Variants in DUSP6 observed in about 807,000 individuals in gnomAD.
DUSP6 encodes dual specificity protein phosphatase 6.
DUSP6 carries 6 observed loss-of-function variants against 28.0 expected under a neutral mutation model. The observed-to-expected ratio is 0.21, with a 90% confidence interval of 0.12 to 0.42. The LOEUF is 0.42. Among genes scored for constraint, DUSP6 ranks in the 10% least tolerant of loss-of-function variants. The pLI is 1.00. For missense variants in DUSP6, 451 were observed against 498.1 expected, an observed-to-expected ratio of 0.91 and a Z score of 0.90; for synonymous variants, 252 against 217.5, an observed-to-expected ratio of 1.16 and a Z score of -1.40.
Position 89,351,000 on chromosome 12 carries a change from C to T in DUSP6, c.426G>A (p.Glu142=). ...LEGGFSKFQA[E]FSLHCETNLD... is the part of the protein sequence containing the mutation. ...GATTGGTCTCGCAATGCAGGGAGAA[C>T]TCGGCTTGGAACTTACTGAAGCCAC... Residue 142 remains glutamate, a synonymous_variant, in exon 2 of 3, where the codon GAG becomes GAA. Coordinates refer to ENST00000279488, the MANE Select transcript of DUSP6 (RefSeq NM_001946.4). 1 of 1,602,798 alleles carries T rather than the reference C, an allele frequency of 6.2e-7. No homozygotes were observed. The highest frequency in any genetic ancestry group is 8.5e-7 in the Non-Finnish European group (1 of 1,176,156).
chr12:89,349,650 A>G, intron 2 of DUSP6, 89 bp from the exon 3 acceptor site: 1 of 921,206 alleles, frequency 1.1e-6, no homozygotes, highest in Admixed American at 2.7e-5. Context: ...TTGAAAACAT[A>G]ATAATAATAA....
chr12:89,352,004 C>A lies in DUSP6; in HGVS notation c.36G>T (p.Ser12=). The change falls in exon 1 of 3, where the codon TCG becomes TCT. Residue 12 remains serine, a synonymous_variant. Transcript: ENST00000279488. ...CCACCGTCTTGCTGATCGCCATTTC[C>A]GACGCGAAGGGCACGGGTCTGAGCG... The part of the protein sequence containing the change: ...IDTLRPVPFA[S]EMAISKTVAW... The A allele has an allele frequency of 6.2e-7, 1 of 1,613,014 alleles. No homozygotes were observed. The highest frequency in any genetic ancestry group is 8.5e-7 in the Non-Finnish European group (1 of 1,179,918).
rs1008582401 is a variant in DUSP6, at chr12:89,348,035, A to G, written c.*1219T>C. On this transcript the variant is annotated 3_prime_UTR_variant, in exon 3 of 3. Transcript: ENST00000279488. ...AAAATGTGTCACTTCACACATAGGT[A>G]TAACTGAGTTTTTAAAAACACACAT... 2.0e-5 allele frequency: 3 copies of G among 151,764 alleles called. No individual in the cohort carries two copies. The highest frequency in any genetic ancestry group is 7.3e-5 in the African/African-American group (3 of 41,360). The allele number at this position is 151,764 out of a possible 1,614,324, so 9.4% of individuals were successfully genotyped here. A position where few individuals can be genotyped will look rare whatever the true frequency, so the allele number is the denominator to read the frequency against.
At position 89,348,345 on chromosome 12, in the gene DUSP6, G is replaced by A. The variant is rs1286144695; in HGVS notation, c.*909C>T. The A allele has an allele frequency of 2.6e-5, 4 of 152,724 alleles. No individual in the cohort carries two copies. The highest frequency in any genetic ancestry group is 1.9e-4 in the East Asian group (1 of 5,190). 9.5% of individuals were successfully genotyped at this position (152,724 alleles called of 1,614,324 possible). On this transcript the variant is annotated 3_prime_UTR_variant, in exon 3 of 3. Transcript: ENST00000279488. ...TAATATACTGTTTAGCACAGCTGAA[G>A]GTTTTTTTATTCTTTCTTTTTTTAA... is the stretch of plus-strand genomic sequence containing the variant.
rs752172017 is a variant in DUSP6 at position 89,351,660 on chromosome 12, C to T, written c.380G>A (p.Cys127Tyr). The T allele has an allele frequency of 6.2e-7, 1 of 1,603,816 alleles. No homozygotes were observed. Among genetic ancestry groups the T allele is most frequent in the Non-Finnish European group, 8.5e-7 (1 of 1,174,660 alleles). Reference protein sequence around the residue: ...LLLKKLKDEGCRAFYLEGGFS... With the variant: ...LLLKKLKDEGYRAFYLEGGFS... ...CGTACCTTCCAGGTAGAACGCCCGG[C>T]AGCCCTCGTCCTTGAGCTTCTTGAG... is the stretch of plus-strand genomic sequence containing the variant. Residue 127 changes from cysteine to tyrosine, a missense_variant, in exon 1 of 3, where the codon TGC becomes TAC. Coordinates refer to ENST00000279488, the MANE Select transcript of DUSP6 (RefSeq NM_001946.4).
chr12:89,352,039 T>TG lies in DUSP6; in HGVS notation c.-1dup, dbSNP rs767848655. On this transcript the variant is annotated 5_prime_UTR_variant, in exon 1 of 3. Transcript: ENST00000279488. ...GGCACGGGTCTGAGCGTATCTATCA[T>TG]GGGGGTCGAGCTGCGGGAGAGGGCG... 1 of 1,607,212 alleles carries TG rather than the reference T, an allele frequency of 6.2e-7. No individual in the cohort carries two copies. Among genetic ancestry groups the TG allele is most frequent in the East Asian group, 2.2e-5 (1 of 44,648 alleles).
chr12:89,352,264 T>C lies in DUSP6; in HGVS notation c.-225A>G, dbSNP rs1185094230. The stretch of plus-strand genomic sequence containing the variant: ...CTGGCTCTTAGTGTCAATGAATCTC[T>C]CTCAATGAAGCTGCCCAGATAGTTT... On this transcript the variant is annotated 5_prime_UTR_variant, in exon 1 of 3. Coordinates refer to ENST00000279488, the MANE Select transcript of DUSP6 (RefSeq NM_001946.4). The C allele has an allele frequency of 1.6e-6, 1 of 615,564 alleles. No individual in the cohort carries two copies. The allele number at this position is 615,564 out of a possible 1,614,324, so 38.1% of individuals were successfully genotyped here.
rs1243048340 is a variant in DUSP6, at chr12:89,350,893, G to A, written c.533C>T (p.Ser178Leu). Residue 178 changes from serine to leucine, a missense_variant, in exon 2 of 3, where the codon TCG becomes TTG. Physicochemically the swap from Ser to Leu is moderately radical, Grantham distance 145. Coordinates refer to ENST00000279488, the MANE Select transcript of DUSP6 (RefSeq NM_001946.4). ...GGLRISSDSS[S>L]DIESDLDRDP... ...TCGGTCAAGGTCAGACTCGATGTCC[G>A]AGGAAGAGTCAGAGCTGATCCGCAG... The A allele has an allele frequency of 6.2e-7, 1 of 1,613,932 alleles. No individual in the cohort carries two copies. Among genetic ancestry groups the A allele is most frequent in the East Asian group, 2.2e-5 (1 of 44,864 alleles).
chr12:89,351,343 C>G (rs1879180029), intron 1 of DUSP6: 1 of 578,756 alleles, frequency 1.7e-6, no homozygotes, highest in African/African-American at 1.9e-5. Flanking sequence ...AATTCAAAAT[C>G]GAACGATAGA....
chr12:89,350,893 G>T lies in DUSP6; in HGVS notation c.533C>A (p.Ser178Ter), dbSNP rs1243048340. Residue 178 changes from serine to a stop codon, truncating the protein, a stop_gained, in exon 2 of 3, where the codon TCG (serine) becomes TAG (stop). Coordinates refer to ENST00000279488, the MANE Select transcript of DUSP6 (RefSeq NM_001946.4). LOFTEE classifies it high-confidence loss of function. ...TCGGTCAAGGTCAGACTCGATGTCC[G>T]AGGAAGAGTCAGAGCTGATCCGCAG... ...GGLRISSDSS[S>*]DIESDLDRDP... is the part of the protein sequence containing the mutation. 1 of 1,613,814 alleles carries T rather than the reference G, an allele frequency of 6.2e-7. No individual in the cohort carries two copies. Among genetic ancestry groups the T allele is most frequent in the African/African-American group, 1.3e-5 (1 of 74,912 alleles).
At position 89,351,911 on chromosome 12, in the gene DUSP6, C is replaced by T. The variant is rs750510747; in HGVS notation, c.129G>A (p.Glu43=). ...RLLLMDCRPQ[E]LYESSHIESA... is the part of the protein sequence containing the mutation. ...ACTCGATGTGCGACGACTCGTATAG[C>T]TCCTGCGGCCGGCAGTCCATCAGCA... is the stretch of plus-strand genomic sequence containing the variant. The change falls in exon 1 of 3, where the codon GAG becomes GAA. Residue 43 remains glutamate (E), a synonymous_variant. Coordinates refer to ENST00000279488, the MANE Select transcript of DUSP6 (RefSeq NM_001946.4). The T allele has an allele frequency of 2.5e-6, 4 of 1,612,784 alleles. No individual in the cohort carries two copies. Among genetic ancestry groups the T allele is most frequent in the South Asian group, 2.2e-5 (2 of 91,092 alleles).
At chr12:89,349,633 A>C in intron 2 of DUSP6, 72 bp from the exon 3 acceptor site, 1 of 1,215,454 alleles carries the variant, frequency 8.2e-7, no homozygotes, top group Admixed American at 2.3e-5. Context: ...CAGTCTAAAA[A>C]CTGAACTTGA....
intron 1 of DUSP6, chr12:89,351,425 C>T: frequency 2.5e-6 from 2 of 790,706 alleles, no homozygotes; most frequent in Non-Finnish European, 1.9e-6. Context: ...CGCCGGTACC[C>T]GCAGCCGGAA....
At position 89,349,041 on chromosome 12, in the gene DUSP6, A is replaced by T. The variant is rs546945358; in HGVS notation, c.*213T>A. The T allele has an allele frequency of 3.5e-6, 2 of 579,124 alleles. No individual in the cohort carries two copies. Among genetic ancestry groups the T allele is most frequent in the East Asian group, 5.8e-5 (2 of 34,236 alleles). 35.9% of individuals were successfully genotyped at this position (579,124 alleles called of 1,614,324 possible). On this transcript the variant is annotated 3_prime_UTR_variant, in exon 3 of 3. Coordinates refer to ENST00000279488, the MANE Select transcript of DUSP6 (RefSeq NM_001946.4). ...GGTACAGAGCAAACCTACTGCCTGT[A>T]TCTATACAGCATGTCCTGTTATTCC...
At position 89,349,006 on chromosome 12, in the gene DUSP6, T is replaced by C; in HGVS notation, c.*248A>G. ...AATCCCAGTCCCTGCATGGGTAGGC[T>C]GTACACATGGGTACAGAGCAAACCT... is the stretch of plus-strand genomic sequence containing the variant. On this transcript the variant is annotated 3_prime_UTR_variant, in exon 3 of 3. Coordinates refer to ENST00000279488, the MANE Select transcript of DUSP6 (RefSeq NM_001946.4). The C allele has an allele frequency of 2.2e-6, 1 of 460,668 alleles. No homozygotes were observed. The highest frequency in any genetic ancestry group is 5.7e-4 in the Middle Eastern group (1 of 1,768). 28.5% of individuals were successfully genotyped at this position (460,668 alleles called of 1,614,324 possible).
In DUSP6 at chr12:89,351,968, G is replaced by C. The variant is rs761953520; in HGVS notation, c.72C>G (p.Asn24Lys). The change falls in exon 1 of 3, where the codon AAC becomes AAG. Residue 24 changes from asparagine to lysine, a missense_variant. Physicochemically the swap from Asn to Lys is moderately conservative, Grantham distance 94. Coordinates refer to ENST00000279488, the MANE Select transcript of DUSP6 (RefSeq NM_001946.4). ...MAISKTVAWL[N>K]EQLELGNERL... ...GCTCGTTGCCCAGCTCCAGCTGCTCGTTGAGCCACGCCACCGTCTTGCTGA... is the reference window on the plus strand; with the variant it reads ...GCTCGTTGCCCAGCTCCAGCTGCTCCTTGAGCCACGCCACCGTCTTGCTGA... The C allele has an allele frequency of 2.5e-6, 4 of 1,612,950 alleles. No homozygotes were observed. The highest frequency in any genetic ancestry group is 2.7e-5 in the African/African-American group (2 of 74,940).
At position 89,351,888 on chromosome 12, in the gene DUSP6, T is replaced by C; in HGVS notation, c.152A>G (p.Glu51Gly). ...PQELYESSHIESAINVAIPGI... is the reference protein window; with the variant it reads ...PQELYESSHIGSAINVAIPGI... ...CGGGATGGCCACGTTGATGGCCGAC[T>C]CGATGTGCGACGACTCGTATAGCTC... Residue 51 changes from glutamate to glycine, a missense_variant, in exon 1 of 3, where the codon GAG becomes GGG. By Grantham distance (98) the Glu-to-Gly change is moderately conservative (BLOSUM62 -2). This residue lies in a region of DUSP6 where 347 missense variants were observed against 346.6 expected (regional missense o/e 1.00). Transcript: ENST00000279488. 1 of 1,612,794 alleles carries C rather than the reference T, an allele frequency of 6.2e-7. No homozygotes were observed. The highest frequency in any genetic ancestry group is 1.1e-5 in the South Asian group (1 of 91,088).
chr12:89,350,982 C>T lies in DUSP6; in HGVS notation c.444G>A (p.Glu148=). 3.1e-6 allele frequency: 5 copies of T among 1,611,128 alleles called. No individual in the cohort carries two copies. The highest frequency in any genetic ancestry group is 4.2e-6 in the Non-Finnish European group (5 of 1,179,148). The change falls in exon 2 of 3, where the codon GAG becomes GAA. Residue 148 remains glutamate, a synonymous_variant. Coordinates refer to ENST00000279488, the MANE Select transcript of DUSP6 (RefSeq NM_001946.4). Reference sequence around the variant, plus strand: ...TGCTACACGAGCCGTCTAGATTGGTCTCGCAATGCAGGGAGAACTCGGCTT... The same window carrying T: ...TGCTACACGAGCCGTCTAGATTGGTTTCGCAATGCAGGGAGAACTCGGCTT... The part of the protein sequence containing the change: ...KFQAEFSLHC[E]TNLDGSCSSS...
intron 1 of DUSP6, 125 bp downstream of exon 1, chr12:89,351,515 C>T: frequency 2.1e-6 from 3 of 1,413,472 alleles, no homozygotes; most frequent in Non-Finnish European, 2.8e-6. Context: ...CTGCCGGTCC[C>T]TAGGCGGGCA....
Sources: allele counts gnomAD v4.1 joint callset, GRCh38; gene constraint gnomAD v4.1.1; regional missense constraint gnomAD v4.1.1; transcripts MANE v1.5; gene names NCBI Gene and HGNC (gene_info 2026-07-23, HGNC 2026-07-21).